The following NUP98 variants were observed in gnomAD, a reference collection of about 807,000 sequenced individuals.
The protein encoded by NUP98 is nuclear pore complex protein Nup98-Nup96.
A neutral mutation model predicts 191.9 loss-of-function variants in NUP98; 26 were observed. That is an observed-to-expected ratio of 0.14 (90% CI 0.10 to 0.19). The LOEUF (loss-of-function observed/expected upper bound fraction) is 0.19, where lower values mean the gene tolerates loss of function less well. Ranked by LOEUF, NUP98 falls within the 10% of genes least tolerant of loss-of-function variation. NUP98 has a pLI of 1.00. For synonymous variants in NUP98, 808 were observed against 778.4 expected, an observed-to-expected ratio of 1.04 and a Z score of -0.63; for missense variants, 1,941 against 2,178.8, an observed-to-expected ratio of 0.89 and a Z score of 2.17.
Position 3,699,290 on chromosome 11 carries a change from C to A in NUP98, c.3801G>T (p.Lys1267Asn). The A allele has an allele frequency of 6.2e-7, 1 of 1,614,212 alleles. No individual in the cohort carries two copies. The highest frequency in any genetic ancestry group is 8.5e-7 in the Non-Finnish European group (1 of 1,180,032). Reference protein sequence around the residue: ...TLCEALWGHLKELDSQLNEPR... With the variant: ...TLCEALWGHLNELDSQLNEPR... Reference sequence around the variant, plus strand: ...GTTCATTTAGCTGGCTGTCAAGCTCCTTCAGGTGGCCCCATAGGGCTTCAC... The same window carrying A: ...GTTCATTTAGCTGGCTGTCAAGCTCATTCAGGTGGCCCCATAGGGCTTCAC... Residue 1267 changes from lysine (K) to asparagine (N), a missense_variant, in exon 25 of 33, where the codon AAG (lysine) becomes AAT (asparagine). Physicochemically the swap from Lys to Asn is moderately conservative, Grantham distance 94. This residue lies in a region of NUP98 where 1,030 missense variants were observed against 1,115.8 expected (regional missense o/e 0.92). Transcript: ENST00000324932.
chr11:3,697,437 A>T (rs1449968989), intron 25 of NUP98, among the ~76,000 whole-genome samples: 1 of 152,210 alleles, frequency 6.6e-6, no homozygotes. Flanking sequence ...CTTTGGATAA[A>T]TTAGGTTCCA....
At chr11:3,678,274 T>C (rs897287714) in intron 31 of NUP98, among the ~76,000 whole-genome samples, 3 of 150,268 alleles carry the variant, frequency 2.0e-5, no homozygotes, top group African/African-American at 7.2e-5. Flanking sequence ...CACCTTTTTC[T>C]TTCAGACGAG....
intron 11 of NUP98, among the ~76,000 whole-genome samples, chr11:3,751,319 T>C (rs538185810): frequency 6.8e-4 from 103 of 152,066 alleles, no homozygotes; most frequent in Non-Finnish European, 1.0e-3. Flanking sequence ...GATTGTGCCA[T>C]TGCACTCCAG....
Position 3,768,637 on chromosome 11 carries a change from T to C in NUP98, c.892A>G (p.Thr298Ala), listed in dbSNP as rs142518872. Reference sequence around the variant, plus strand: ...CTGGTATTACCAAAGGAAAAGCCAGTGTTCTGGGTGGTTGTAGCCTGGCCA... The same window carrying C: ...CTGGTATTACCAAAGGAAAAGCCAGCGTTCTGGGTGGTTGTAGCCTGGCCA... ...PFGQATTTQNTGFSFGNTSTI... is the reference protein window; with the variant it reads ...PFGQATTTQNAGFSFGNTSTI... Residue 298 changes from threonine (T) to alanine (A), a missense_variant, in exon 8 of 33, where the codon ACT becomes GCT. This residue lies in a region of NUP98 where 181 missense variants were observed against 228.0 expected (regional missense o/e 0.79). Transcript: ENST00000324932. 5.5e-5 allele frequency: 88 copies of C among 1,610,742 alleles called. No homozygotes were observed. In the African/African-American group the frequency reaches 1.1e-3, roughly 20 times the overall value.
At chr11:3,752,805 T>A (rs1481251407) in intron 11 of NUP98, among the ~76,000 whole-genome samples, 3 of 152,062 alleles carry the variant, frequency 2.0e-5, no homozygotes, top group Non-Finnish European at 4.4e-5. Context: ...GGTAGAAGGG[T>A]CAGTATCTTC....
chr11:3,680,961 T>C (rs2077965831), intron 30 of NUP98, among the ~76,000 whole-genome samples: 1 of 152,008 alleles, frequency 6.6e-6, no homozygotes, highest in Non-Finnish European at 1.5e-5. Context: ...CCTGGGCTCA[T>C]GCAGTACTCC....
chr11:3,705,070 T>C, intron 22 of NUP98, 130 bp downstream of exon 22: 1 of 831,058 alleles, frequency 1.2e-6, no homozygotes, highest in Non-Finnish European at 1.9e-6. Context: ...CTTAGCACCC[T>C]TATGTCACAG....
chr11:3,795,666 C>G (rs1197298777), intron 1 of NUP98, among the ~76,000 whole-genome samples: 1 of 151,960 alleles, frequency 6.6e-6, no homozygotes, highest in Non-Finnish European at 1.5e-5. Context: ...AATATTTTAC[C>G]AGCCTAATTA....
intron 9 of NUP98, among the ~76,000 whole-genome samples, chr11:3,762,677 G>A (rs1304743219): frequency 2.6e-5 from 4 of 152,154 alleles, no homozygotes; most frequent in Non-Finnish European, 5.9e-5. Flanking sequence ...CTGAGGCAAA[G>A]AAATTTTAAA....
At chr11:3,776,122 T>A in intron 4 of NUP98, 101 bp from the exon 5 acceptor site, 16 of 133,490 alleles carry the variant, frequency 1.2e-4, no homozygotes, top group Non-Finnish European at 1.9e-4. Flanking sequence ...CAGTACTTCA[T>A]TTTTTTTTTT....
rs758798566 is a variant in NUP98, at chr11:3,682,513, C to G, written c.4918+687G>C. Among the ~76,000 whole-genome samples, 3 of 152,100 alleles carry G rather than the reference C, an allele frequency of 2.0e-5. 1 individual carries two copies. The highest frequency in any genetic ancestry group is 4.4e-5 in the Non-Finnish European group (3 of 68,026). ...TATTGGGTCTTAGGAAATAGGAAGG[C>G]CCAAAGAGAGGGAAAGAGATGGGGA... On this transcript the variant is annotated intron_variant, in intron 30 of 32. Coordinates refer to ENST00000324932, the MANE Select transcript of NUP98 (RefSeq NM_016320.5).
intron 28 of NUP98, 45 bp downstream of exon 28, chr11:3,691,302 G>T (rs772256099): frequency 2.5e-6 from 4 of 1,612,030 alleles, no homozygotes; most frequent in Non-Finnish European, 3.4e-6. Flanking sequence ...CTCCCCTGGG[G>T]CTCATGGAGC....
At chr11:3,680,709 C>CT (rs1334177351) in intron 30 of NUP98, among the ~76,000 whole-genome samples, 4 of 152,132 alleles carry the variant, frequency 2.6e-5, no homozygotes, top group Admixed American at 2.6e-4. Context: ...CCAGGCCCGA[C>CT]TAATTTTTTT....
chr11:3,749,017 A>G (rs1224506313), intron 11 of NUP98, among the ~76,000 whole-genome samples: 1 of 152,104 alleles, frequency 6.6e-6, no homozygotes, highest in Non-Finnish European at 1.5e-5. Context: ...CCTTAAAAAT[A>G]AATTAAGAGG....
intron 31 of NUP98, among the ~76,000 whole-genome samples, chr11:3,679,122 CAA>C (rs36063275): frequency 0.02 from 1,961 of 97,262 alleles, 29 homozygotes; most frequent in African/African-American, 0.034. Flanking sequence ...GACTCTGTTC[CAA>C]AAAAAAAAAA....
intron 1 of NUP98, among the ~76,000 whole-genome samples, chr11:3,793,240 C>G (rs2082414611): frequency 6.6e-6 from 1 of 152,192 alleles, no homozygotes; most frequent in Non-Finnish European, 1.5e-5. Context: ...TCTTCACATA[C>G]TTCAAACAAA....
chr11:3,677,484 C>T (rs2077854966), intron 31 of NUP98, among the ~76,000 whole-genome samples: 1 of 150,070 alleles, frequency 6.7e-6, no homozygotes, highest in South Asian at 2.1e-4. Flanking sequence ...ATCCTCCTGC[C>T]TCAGCCTCCC....
At chr11:3,700,998 T>C (rs1455313709) in intron 23 of NUP98, among the ~76,000 whole-genome samples, 159 bp from the exon 24 acceptor site, 1 of 152,186 alleles carries the variant, frequency 6.6e-6, no homozygotes, top group African/African-American at 2.4e-5. Flanking sequence ...TATACTGAAC[T>C]TATCTGCTAT....
At chr11:3,744,964 C>T (rs1370168911) in intron 11 of NUP98, among the ~76,000 whole-genome samples, 2 of 152,144 alleles carry the variant, frequency 1.3e-5, no homozygotes, top group Non-Finnish European at 1.5e-5. Flanking sequence ...ACATCGGGAA[C>T]ATACTACATG....
Sources: gnomAD v4.1 joint callset for allele counts (sites outside exome capture counted in the v4.1 genomes callset) on GRCh38, gnomAD v4.1.1 for gene constraint, gnomAD v4.1.1 regional missense constraint, MANE v1.5 for transcripts, NCBI Gene and HGNC (gene_info 2026-07-23, HGNC 2026-07-21) for gene names.